MSH3: variants seen among roughly 807,000 people sequenced by gnomAD.
MSH3 encodes mutS homolog 3.
In MSH3, 106 loss-of-function variants were observed where a neutral mutation model predicts 123.3. The ratio of observed to expected loss-of-function variants is 0.86; its 90% CI spans 0.73 to 1.01. The LOEUF (loss-of-function observed/expected upper bound fraction) is 1.01. MSH3 is among the 50% of genes least tolerant of loss of function. MSH3 has a pLI of 0.00. For missense variants in MSH3, 1,459 were observed against 1,347.6 expected, an observed-to-expected ratio of 1.08 and a Z score of -1.29; for synonymous variants, 515 against 481.4, an observed-to-expected ratio of 1.07 and a Z score of -0.91.
rs1294116781 is a variant in MSH3, at chr5:80,854,123, CT to C, written c.2814-5del. 3.1e-6 allele frequency: 5 copies of C among 1,611,684 alleles called. No individual in the cohort carries two copies. In the Admixed American group the frequency reaches 6.7e-5, roughly 22 times the overall value. On this transcript the variant is annotated splice_polypyrimidine_tract_variant and splice_region_variant and intron_variant, in intron 20 of 23. Coordinates refer to ENST00000265081, the MANE Select transcript of MSH3 (RefSeq NM_002439.5). ...GGAAAATCAAGGTGTTTTCATCTTG[CT>C]TGTAGGATGGGTGCTGCAGACAATA...
At chr5:80,770,048 A>T (rs539415500) in intron 15 of MSH3, among the ~76,000 whole-genome samples, 2 of 152,288 alleles carry the variant, frequency 1.3e-5, no homozygotes, top group African/African-American at 4.8e-5. Flanking sequence ...TATAACAGAA[A>T]AATGATTTGA....
At chr5:80,866,224 A>G (rs1444045650) in intron 22 of MSH3, among the ~76,000 whole-genome samples, 3 of 152,132 alleles carry the variant, frequency 2.0e-5, no homozygotes, top group Non-Finnish European at 4.4e-5. Context: ...CTGCAGACAC[A>G]ACCTCCCAGG....
Position 80,875,961 on chromosome 5 carries a change from C to A in MSH3, c.*99C>A. On this transcript the variant is annotated 3_prime_UTR_variant, in exon 24 of 24. Transcript: ENST00000265081. ...AGCCTATCTTTGTGTGACATGTGAG[C>A]ATAAAATTATGACCATGGTATATTC... 1 of 764,984 alleles carries A rather than the reference C, an allele frequency of 1.3e-6. No homozygotes were observed. The highest frequency in any genetic ancestry group is 2.3e-6 in the Non-Finnish European group (1 of 435,106). 47.4% of individuals were successfully genotyped at this position (764,984 alleles called of 1,614,324 possible). A position where few individuals can be genotyped will look rare whatever the true frequency, so the allele number is the denominator to read the frequency against.
At chr5:80,762,790 T>TTTATG (rs747226793) in intron 13 of MSH3, among the ~76,000 whole-genome samples, 9,617 of 132,400 alleles carry the variant, frequency 0.073, 387 homozygotes, top group Middle Eastern at 0.11. Flanking sequence ...TTTATTTTAT[T>TTTATG]TTATGTTATG....
At chr5:80,789,823 A>G (rs1434934530) in intron 18 of MSH3, among the ~76,000 whole-genome samples, 1 of 152,234 alleles carries the variant, frequency 6.6e-6, no homozygotes, top group African/African-American at 2.4e-5. Context: ...AAAGAACTAT[A>G]GGAGGTCATT....
At chr5:80,822,691 C>G (rs961131524) in intron 20 of MSH3, among the ~76,000 whole-genome samples, 2 of 152,218 alleles carry the variant, frequency 1.3e-5, no homozygotes, top group East Asian at 3.8e-4. Flanking sequence ...CACTTTCCCT[C>G]TTGGAGCACT....
chr5:80,813,861 T>G, intron 20 of MSH3, 120 bp downstream of exon 20: 1 of 1,139,124 alleles, frequency 8.8e-7, no homozygotes, highest in Admixed American at 1.7e-5. Context: ...ATTTAGGAGC[T>G]TAAATAAATT....
intron 19 of MSH3, among the ~76,000 whole-genome samples, chr5:80,802,553 T>G (rs1394275559): frequency 1.3e-5 from 2 of 152,144 alleles, no homozygotes; most frequent in African/African-American, 2.4e-5. Flanking sequence ...ACCTCAGGCA[T>G]TTATCCTTTC....
chr5:80,827,331 C>T (rs745787720), intron 20 of MSH3, among the ~76,000 whole-genome samples: 52 of 152,204 alleles, frequency 3.4e-4, no homozygotes, highest in Non-Finnish European at 1.5e-4. Flanking sequence ...TGACACCCAG[C>T]TTCAGGGAAT....
chr5:80,848,695 G>A (rs1745768416), intron 20 of MSH3, among the ~76,000 whole-genome samples: 1 of 152,192 alleles, frequency 6.6e-6, no homozygotes, highest in Non-Finnish European at 1.5e-5. Flanking sequence ...GAACAGCACA[G>A]GAAAGACATG....
intron 20 of MSH3, 93 bp from the exon 21 acceptor site, chr5:80,854,037 G>A: frequency 9.8e-7 from 1 of 1,019,354 alleles, no homozygotes; most frequent in Non-Finnish European, 1.5e-6. Flanking sequence ...TAGATTCTTA[G>A]TGATCTTTTA....
intron 20 of MSH3, among the ~76,000 whole-genome samples, chr5:80,819,717 CCT>C (rs1745171152): frequency 1.3e-5 from 2 of 152,072 alleles, no homozygotes; most frequent in Non-Finnish European, 2.9e-5. Flanking sequence ...AAACTCCTGA[CCT>C]CAGGTGATCC....
rs1746310490 is a variant in MSH3 at position 80,876,524 on chromosome 5, G to A, written c.*662G>A. On this transcript the variant is annotated 3_prime_UTR_variant, in exon 24 of 24. Coordinates refer to ENST00000265081, the MANE Select transcript of MSH3 (RefSeq NM_002439.5). The stretch of plus-strand genomic sequence containing the variant: ...CACACCTGTAGTCCCAGCTACTCCG[G>A]AGGCTGAGGCAGGAGAATCTCTTGA... 1 of 153,224 alleles carries A rather than the reference G, an allele frequency of 6.5e-6. No homozygotes were observed. The highest frequency in any genetic ancestry group is 2.4e-5 in the African/African-American group (1 of 41,352). 9.5% of individuals were successfully genotyped at this position (153,224 alleles called of 1,614,324 possible).
intron 19 of MSH3, among the ~76,000 whole-genome samples, chr5:80,793,791 C>G (rs982803562): frequency 6.6e-6 from 1 of 152,166 alleles, no homozygotes; most frequent in Non-Finnish European, 1.5e-5. Context: ...ATTAAGAATA[C>G]TAGCAAGAGA....
chr5:80,669,965 C>A, intron 3 of MSH3, 132 bp from the exon 4 acceptor site: 1 of 819,126 alleles, frequency 1.2e-6, no homozygotes. Flanking sequence ...CGGAATGCTA[C>A]AATGTGCTTC....
At chr5:80,760,523 A>G (rs1333484595) in intron 12 of MSH3, among the ~76,000 whole-genome samples, 1 of 152,170 alleles carries the variant, frequency 6.6e-6, no homozygotes, top group South Asian at 2.1e-4. Flanking sequence ...CAGGGTCAAT[A>G]TGTTTAATTT....
At chr5:80,783,299 T>C (rs1255938855) in intron 17 of MSH3, among the ~76,000 whole-genome samples, 1 of 152,190 alleles carries the variant, frequency 6.6e-6, no homozygotes, top group African/African-American at 2.4e-5. Context: ...CTTGTTGTTA[T>C]GCTATAAACC....
At chr5:80,687,569 A>T (rs1750120812) in intron 8 of MSH3, among the ~76,000 whole-genome samples, 1 of 151,984 alleles carries the variant, frequency 6.6e-6, no homozygotes, top group African/African-American at 2.4e-5. Context: ...TTGAGTTGGT[A>T]ATGGGGAGGG....
At chr5:80,709,528 A>G (rs184462255) in intron 8 of MSH3, among the ~76,000 whole-genome samples, 13 of 152,220 alleles carry the variant, frequency 8.5e-5, no homozygotes, top group East Asian at 5.8e-4. Flanking sequence ...AGGCTGAGGC[A>G]GGAGAATGGT....
Sources: gnomAD v4.1 joint callset for allele counts (sites outside exome capture counted in the v4.1 genomes callset) on GRCh38, gnomAD v4.1.1 for gene constraint, MANE v1.5 for transcripts, NCBI Gene and HGNC (gene_info 2026-07-23, HGNC 2026-07-21) for gene names.